ZFHX3: variants seen among roughly 807,000 people sequenced by gnomAD.
ZFHX3 encodes the protein zinc finger homeobox 3, also known as zinc finger homeobox protein 3.
Under a neutral mutation model 279.1 loss-of-function variants are expected in ZFHX3, and 42 were observed. The observed-to-expected ratio is 0.15, with a 90% CI of 0.12 to 0.19. The LOEUF (loss-of-function observed/expected upper bound fraction) is 0.19, where lower values mean the gene tolerates loss of function less well. Among genes scored for constraint, ZFHX3 ranks in the 10% least tolerant of loss-of-function variants. ZFHX3 has a pLI of 1.00. For missense variants in ZFHX3, 4,981 were observed against 4,754.0 expected, an observed-to-expected ratio of 1.05 and a Z score of -1.40; for synonymous variants, 2,293 against 1,957.8, an observed-to-expected ratio of 1.17 and a Z score of -4.52.
At chr16:73,771,802 C>T (rs1039746390) in intron 1 of ZFHX3, among the ~76,000 whole-genome samples, 11 of 147,028 alleles carry the variant, frequency 7.5e-5, no homozygotes, top group African/African-American at 2.6e-5. Flanking sequence ...TTTTTTCTCG[C>T]TTCACTTTAG....
intron 2 of ZFHX3, among the ~76,000 whole-genome samples, chr16:73,510,248 T>C (rs115803560): frequency 6.6e-6 from 1 of 152,300 alleles, no homozygotes; most frequent in African/African-American, 2.4e-5. Context: ...ACTTGCCTGT[T>C]TATTTATTTT....
chr16:73,118,924 G>T (rs915078968), intron 7 of ZFHX3, among the ~76,000 whole-genome samples: 1 of 152,062 alleles, frequency 6.6e-6, no homozygotes, highest in Non-Finnish European at 1.5e-5. Context: ...GCAGCCCATG[G>T]ACTTTGTAGC....
chr16:72,816,746 C>T (rs1031111404), intron 5 of ZFHX3, among the ~76,000 whole-genome samples: 16 of 152,168 alleles, frequency 1.1e-4, no homozygotes, highest in African/African-American at 3.9e-4. Context: ...AGAAACAAAC[C>T]TGTTCATGAT....
intron 1 of ZFHX3, among the ~76,000 whole-genome samples, chr16:73,712,073 C>A (rs996872409): frequency 5.3e-5 from 8 of 152,238 alleles, no homozygotes; most frequent in Admixed American, 4.6e-4. Context: ...ACCTGTGGCT[C>A]ATACGGAGGA....
At chr16:73,070,015 GT>G (rs1254523601) in intron 8 of ZFHX3, among the ~76,000 whole-genome samples, 1 of 152,142 alleles carries the variant, frequency 6.6e-6, no homozygotes, top group Non-Finnish European at 1.5e-5. Flanking sequence ...TTCAGATAAA[GT>G]TTCCAGAGGT....
rs554125429 is a variant in ZFHX3 at position 72,784,796 on chromosome 16, C to CAATT, written c.*2364_*2367dup. On this transcript the variant is annotated 3_prime_UTR_variant, in exon 10 of 10. Coordinates refer to ENST00000268489, the MANE Select transcript of ZFHX3 (RefSeq NM_006885.4). Reference sequence around the variant, plus strand: ...CTTTAGTATTTCTACTTAAAAAAAACAATTAAAAAAGGAATTTGCACTGTG... The same window carrying CAATT: ...CTTTAGTATTTCTACTTAAAAAAAACAATTAATTAAAAAAGGAATTTGCACTGTG... The CAATT allele has an allele frequency of 1.3e-5, 2 of 151,770 alleles. No individual in the cohort carries two copies. Among genetic ancestry groups the CAATT allele is most frequent in the Admixed American group, 6.6e-5 (1 of 15,206 alleles). The allele number at this position is 151,770 out of a possible 1,614,324, so 9.4% of individuals were successfully genotyped here.
intron 1 of ZFHX3, among the ~76,000 whole-genome samples, chr16:73,732,961 C>T (rs1438115414): frequency 6.6e-6 from 1 of 152,140 alleles, no homozygotes; most frequent in Non-Finnish European, 1.5e-5. Context: ...AGTCTGTATA[C>T]TCTTGCTGTT....
At chr16:73,261,105 A>G (rs1336579993) in intron 4 of ZFHX3, among the ~76,000 whole-genome samples, 1 of 152,232 alleles carries the variant, frequency 6.6e-6, no homozygotes, top group African/African-American at 2.4e-5. Flanking sequence ...TAGGATAGCA[A>G]AAGATTAGAC....
At chr16:73,360,275 C>T (rs956249845) in intron 3 of ZFHX3, among the ~76,000 whole-genome samples, 1 of 152,182 alleles carries the variant, frequency 6.6e-6, no homozygotes, top group African/African-American at 2.4e-5. Flanking sequence ...TCACAACCAC[C>T]CAATGAGGAA....
At chr16:73,618,995 G>T (rs2052331574) in intron 2 of ZFHX3, among the ~76,000 whole-genome samples, 2 of 152,236 alleles carry the variant, frequency 1.3e-5, no homozygotes, top group East Asian at 3.9e-4. Context: ...GTGGAAAGAA[G>T]AGCATATTTT....
chr16:72,947,435 T>G (rs1960739398), intron 3 of ZFHX3, among the ~76,000 whole-genome samples: 1 of 152,242 alleles, frequency 6.6e-6, no homozygotes, highest in Non-Finnish European at 1.5e-5. Context: ...CGCACTAGCA[T>G]GCGTGACAGC....
chr16:73,521,925 C>T (rs2019614700), intron 2 of ZFHX3, among the ~76,000 whole-genome samples: 3 of 152,024 alleles, frequency 2.0e-5, no homozygotes, highest in Admixed American at 1.3e-4. Context: ...TATTTATTTT[C>T]CCATAATAAG....
rs886372290 is a variant in ZFHX3 at position 73,571,630 on chromosome 16, A to T, written c.-1547+108550T>A. On this transcript the variant is annotated intron_variant, in intron 2 of 17. Coordinates refer to the ZFHX3 transcript ENST00000641206. ...ACACATAATTTAGGTCAGTATTAAA[A>T]TAGAATTAATTTTTTTTAAAAAACC... 5.3e-5 allele frequency among the ~76,000 whole-genome samples: 6 copies of T among 113,792 alleles called. No individual in the cohort carries two copies. The East Asian group carries it at 8.2e-4, about 16-fold the overall frequency. 74.7% of individuals were successfully genotyped at this position (113,792 alleles called of 152,430 possible).
intron 5 of ZFHX3, among the ~76,000 whole-genome samples, chr16:73,176,983 C>T (rs1172146491): frequency 1.3e-5 from 2 of 152,142 alleles, no homozygotes; most frequent in Non-Finnish European, 2.9e-5. Flanking sequence ...CTGATTTCAT[C>T]AGCACATTGG....
At chr16:72,944,184 C>G (rs1338065680) in intron 3 of ZFHX3, among the ~76,000 whole-genome samples, 3 of 152,076 alleles carry the variant, frequency 2.0e-5, no homozygotes. Context: ...ACTTGGGAGG[C>G]TGAGGTGGGA....
intron 1 of ZFHX3, among the ~76,000 whole-genome samples, chr16:73,885,783 T>C (rs1395848421): frequency 3.3e-5 from 5 of 152,270 alleles, no homozygotes; most frequent in South Asian, 2.1e-4. Flanking sequence ...GCTGGAGATA[T>C]AATATGAGCC....
chr16:73,770,319 G>GA (rs1398480136), intron 1 of ZFHX3, among the ~76,000 whole-genome samples: 2 of 152,188 alleles, frequency 1.3e-5, no homozygotes, highest in East Asian at 3.8e-4. Context: ...ACAGAAGGTG[G>GA]AAAAAGAGAA....
intron 1 of ZFHX3, among the ~76,000 whole-genome samples, chr16:73,729,442 T>C (rs1241501481): frequency 6.6e-6 from 1 of 151,996 alleles, no homozygotes; most frequent in Non-Finnish European, 1.5e-5. Context: ...GTCTGGAGAA[T>C]CGCTTGAACC....
chr16:73,031,442 G>C (rs1351075288), intron 1 of ZFHX3, among the ~76,000 whole-genome samples: 1 of 152,178 alleles, frequency 6.6e-6, no homozygotes, highest in Non-Finnish European at 1.5e-5. Context: ...CAGGTATCAG[G>C]AGGCCAAAGG....
Sources: gnomAD v4.1 joint callset for allele counts (sites outside exome capture counted in the v4.1 genomes callset) on GRCh38, gnomAD v4.1.1 for gene constraint, MANE v1.5 for transcripts, NCBI Gene and HGNC (gene_info 2026-07-23, HGNC 2026-07-21) for gene names.